ALX4: variants seen among roughly 807,000 people sequenced by gnomAD.
The protein encoded by ALX4 is ALX homeobox 4, also known as homeobox protein aristaless-like 4.
In ALX4, 22 loss-of-function variants were observed where a neutral mutation model predicts 40.6. The observed-to-expected ratio is 0.54, with a 90% CI of 0.39 to 0.77. The LOEUF is 0.77. Ranked by LOEUF, ALX4 falls within the 30% of genes least tolerant of loss-of-function variation. The probability of loss-of-function intolerance (pLI) is 0.00; values close to 1 mark genes in which losing one functional copy is unlikely to be tolerated. For synonymous variants in ALX4, 266 were observed against 240.5 expected, an observed-to-expected ratio of 1.11 and a Z score of -0.98; for missense variants, 556 against 564.8, an observed-to-expected ratio of 0.98 and a Z score of 0.16.
chr11:44,269,114 G>C (rs916051587), intron 2 of ALX4, among the ~76,000 whole-genome samples: 3 of 152,162 alleles, frequency 2.0e-5, no homozygotes, highest in Admixed American at 1.3e-4. Context: ...GAGCTTCCTA[G>C]GAACCACTGC....
chr11:44,298,895 A>T lies in ALX4; in HGVS notation c.466+10702T>A, dbSNP rs556958615. Among the ~76,000 whole-genome samples, 4 of 152,236 alleles carry T rather than the reference A, an allele frequency of 2.6e-5. No homozygotes were observed. In the South Asian group the frequency reaches 8.3e-4, roughly 32 times the overall value. On this transcript the variant is annotated intron_variant, in intron 1 of 3. Transcript: ENST00000652299. ...TCAAAGGAAGGATGAACGAAGAGAG[A>T]GTGGAAAGACTTACAGAGTTCCTAG...
intron 1 of ALX4, among the ~76,000 whole-genome samples, chr11:44,293,154 A>C (rs867619938): frequency 1.7e-5 from 1 of 57,214 alleles, no homozygotes. Flanking sequence ...GAAGGAAGGA[A>C]GGAAGGAAGG....
intron 1 of ALX4, among the ~76,000 whole-genome samples, chr11:44,285,546 C>T (rs879786295): frequency 1.2e-4 from 18 of 152,202 alleles, no homozygotes; most frequent in African/African-American, 3.1e-4. Context: ...CTGAGAAACA[C>T]GGCCAAGTTG....
intron 1 of ALX4, among the ~76,000 whole-genome samples, chr11:44,276,836 C>G (rs576948858): frequency 2.5e-4 from 38 of 152,280 alleles, no homozygotes; most frequent in Admixed American, 5.9e-4. Context: ...ATTCACGCCT[C>G]TGTGAGAATC....
Position 44,261,237 on chromosome 11 carries a change from A to T in ALX4, c.*3617T>A, listed in dbSNP as rs1253541130. 6.6e-6 allele frequency: 1 copy of T among 152,230 alleles called. No homozygotes were observed. Among genetic ancestry groups the T allele is most frequent in the Non-Finnish European group, 1.5e-5 (1 of 68,090 alleles). The allele number at this position is 152,230 out of a possible 1,614,324, so 9.4% of individuals were successfully genotyped here. ...CCCCCGCGTGTCTTTCAGGTTCTCG[A>T]AGATGGCCCCCCACTGTCTAGCCCA... On this transcript the variant is annotated 3_prime_UTR_variant, in exon 4 of 4. Coordinates refer to ENST00000652299, the MANE Select transcript of ALX4 (RefSeq NM_021926.4).
chr11:44,263,636 G>C lies in ALX4; in HGVS notation c.*1218C>G, dbSNP rs776401651. 1 of 152,384 alleles carries C rather than the reference G, an allele frequency of 6.6e-6. No individual in the cohort carries two copies. Among genetic ancestry groups the C allele is most frequent in the Non-Finnish European group, 1.5e-5 (1 of 68,156 alleles). The allele number at this position is 152,384 out of a possible 1,614,324, so 9.4% of individuals were successfully genotyped here. A position where few individuals can be genotyped will look rare whatever the true frequency, so the allele number is the denominator to read the frequency against. On this transcript the variant is annotated 3_prime_UTR_variant, in exon 4 of 4. Coordinates refer to ENST00000652299, the MANE Select transcript of ALX4 (RefSeq NM_021926.4). ...GAGGGACACAGAGCCCCCATCTGCC[G>C]TGGAAGGCTCTGGGCAGCGATGACA...
At chr11:44,283,904 T>C in intron 1 of ALX4, among the ~76,000 whole-genome samples, 1 of 151,988 alleles carries the variant, frequency 6.6e-6, no homozygotes, top group African/African-American at 2.4e-5. Context: ...TTGTTTATTG[T>C]CTCTCTCTCT....
intron 1 of ALX4, 81 bp from the exon 2 acceptor site, chr11:44,275,739 C>G: frequency 7.3e-7 from 1 of 1,374,828 alleles, no homozygotes; most frequent in Non-Finnish European, 1.0e-6. Flanking sequence ...GAGTGGGGCA[C>G]TCGGGTAGCC....
At chr11:44,274,924 C>T (rs1956268689) in intron 2 of ALX4, among the ~76,000 whole-genome samples, 5 of 152,198 alleles carry the variant, frequency 3.3e-5, no homozygotes, top group Admixed American at 3.3e-4. Flanking sequence ...TTCTCTGTTT[C>T]TGCCCACTGG....
Position 44,265,196 on chromosome 11 carries a change from G to A in ALX4, c.907-13C>T. 6.3e-7 allele frequency: 1 copy of A among 1,592,152 alleles called. No homozygotes were observed. The highest frequency in any genetic ancestry group is 8.6e-7 in the Non-Finnish European group (1 of 1,167,710). ...ACGGGTTCTGAATCTGGGAGAGGAA[G>A]GGAGAGATGTCACCGGCTGGCGGGC... On this transcript the variant is annotated splice_polypyrimidine_tract_variant and intron_variant, in intron 3 of 3. Transcript: ENST00000652299.
rs561534323 is a variant in ALX4 at position 44,261,333 on chromosome 11, G to C, written c.*3521C>G. On this transcript the variant is annotated 3_prime_UTR_variant, in exon 4 of 4. Coordinates refer to ENST00000652299, the MANE Select transcript of ALX4 (RefSeq NM_021926.4). ...CGTCCCTCGTCTGCCCAGCCGAAAT[G>C]ACAGGAGATGGGGCACGGAGCTGGG... 1.3e-5 allele frequency: 2 copies of C among 152,334 alleles called. No individual in the cohort carries two copies. Among genetic ancestry groups the C allele is most frequent in the African/African-American group, 4.8e-5 (2 of 41,554 alleles). The allele number at this position is 152,334 out of a possible 1,614,324, so 9.4% of individuals were successfully genotyped here. A position where few individuals can be genotyped will look rare whatever the true frequency, so the allele number is the denominator to read the frequency against.
At chr11:44,266,451 C>T (rs2135306590) in intron 3 of ALX4, among the ~76,000 whole-genome samples, 1 of 152,000 alleles carries the variant, frequency 6.6e-6, no homozygotes. Flanking sequence ...CTCAGCCTCA[C>T]CTCCAGGCCT....
At chr11:44,286,824 C>A (rs1452213287) in intron 1 of ALX4, among the ~76,000 whole-genome samples, 1 of 152,148 alleles carries the variant, frequency 6.6e-6, no homozygotes, top group Non-Finnish European at 1.5e-5. Context: ...CAAAGTGAGG[C>A]GCCGAGAGAA....
At chr11:44,270,794 G>GC (rs1159487919) in intron 2 of ALX4, among the ~76,000 whole-genome samples, 2 of 152,230 alleles carry the variant, frequency 1.3e-5, no homozygotes, top group Admixed American at 1.3e-4. Flanking sequence ...GGCCCACTCA[G>GC]CACAGGCCTC....
At chr11:44,271,409 C>T (rs192944065) in intron 2 of ALX4, among the ~76,000 whole-genome samples, 31 of 152,298 alleles carry the variant, frequency 2.0e-4, no homozygotes, top group Non-Finnish European at 4.1e-4. Context: ...TCTTCTTCCT[C>T]GTCTATCAAA....
intron 1 of ALX4, among the ~76,000 whole-genome samples, chr11:44,278,725 C>T (rs1956292206): frequency 6.6e-6 from 1 of 152,188 alleles, no homozygotes; most frequent in Admixed American, 6.5e-5. Context: ...TTCAGATGAC[C>T]CATTTCATCT....
At chr11:44,308,502 C>T (rs1956482683) in intron 1 of ALX4, among the ~76,000 whole-genome samples, 1 of 152,248 alleles carries the variant, frequency 6.6e-6, no homozygotes, top group Non-Finnish European at 1.5e-5. Flanking sequence ...ACTCCTGGCC[C>T]AGAGAAGGTT....
intron 1 of ALX4, among the ~76,000 whole-genome samples, chr11:44,280,065 CT>C (rs1305491927): frequency 6.6e-6 from 1 of 152,230 alleles, no homozygotes; most frequent in Non-Finnish European, 1.5e-5. Context: ...CCTCATCCTC[CT>C]ACCCACTGGG....
Position 44,309,722 on chromosome 11 carries a change from G to GGCTGCGGCTGCTGCT in ALX4, c.326_340dup (p.Gln109_Gln113dup). On this transcript the variant is annotated inframe_insertion, in exon 1 of 4. Coordinates refer to ENST00000652299, the MANE Select transcript of ALX4 (RefSeq NM_021926.4). Reference sequence around the variant, plus strand: ...AAGATGCGGTTGCGCGGGCGGCTGGGGCTGCGGCTGCTGCTGCTGCGGCTG... The same window carrying GGCTGCGGCTGCTGCT: ...AAGATGCGGTTGCGCGGGCGGCTGGGGCTGCGGCTGCTGCTGCTGCGGCTGCTGCTGCTGCGGCTG... 3 of 1,564,126 alleles carry GGCTGCGGCTGCTGCT rather than the reference G, an allele frequency of 1.9e-6. No homozygotes were observed. Among genetic ancestry groups the GGCTGCGGCTGCTGCT allele is most frequent in the Non-Finnish European group, 2.6e-6 (3 of 1,155,762 alleles).
Sources: gnomAD v4.1 joint callset for allele counts (sites outside exome capture counted in the v4.1 genomes callset) on GRCh38, gnomAD v4.1.1 for gene constraint, MANE v1.5 for transcripts, NCBI Gene and HGNC (gene_info 2026-07-23, HGNC 2026-07-21) for gene names.